Variants in SPMIP2 observed in about 807,000 individuals in gnomAD.
SPMIP2 encodes the protein protein SPMIP2.
At chr4:159,071,698 G>A in the SPMIP2 span, among the ~76,000 whole-genome samples, 6 of 152,106 alleles carry the variant, frequency 3.9e-5, no homozygotes, top group African/African-American at 1.4e-4. Flanking sequence ...TTGTCACCAT[G>A]AGGGAAAGAA....
At chr4:159,064,066 C>G in the SPMIP2 span, among the ~76,000 whole-genome samples, 3 of 152,120 alleles carry the variant, frequency 2.0e-5, no homozygotes, top group African/African-American at 7.2e-5. Flanking sequence ...AATCTCTTGG[C>G]TGGGCGTGGT....
chr4:158,941,910 G>C, the SPMIP2 span, among the ~76,000 whole-genome samples: 4 of 152,042 alleles, frequency 2.6e-5, no homozygotes, highest in African/African-American at 9.7e-5. Context: ...AAGAGATGGT[G>C]GTGTTCTGGT....
the SPMIP2 span, among the ~76,000 whole-genome samples, chr4:158,924,918 G>A: frequency 2.0e-5 from 3 of 152,208 alleles, no homozygotes; most frequent in Admixed American, 2.0e-4. Flanking sequence ...ACTTGGTCAT[G>A]ATGTATAATC....
At chr4:158,948,100 G>A in the SPMIP2 span, among the ~76,000 whole-genome samples, 1 of 152,082 alleles carries the variant, frequency 6.6e-6, no homozygotes, top group Admixed American at 6.6e-5. Context: ...TCCTTCTGGA[G>A]CCCCCACTTT....
the SPMIP2 span, chr4:158,904,376 G>C: frequency 8.4e-7 from 1 of 1,191,600 alleles, no homozygotes; most frequent in Non-Finnish European, 1.2e-6. Flanking sequence ...TTAGTACCTA[G>C]AAATAATACT....
chr4:159,082,233 T>C, the SPMIP2 span, among the ~76,000 whole-genome samples: 3 of 151,226 alleles, frequency 2.0e-5, no homozygotes, highest in East Asian at 5.8e-4. Flanking sequence ...CTCTGGAAGC[T>C]GAGGCAGGAG....
chr4:159,080,003 C>T, the SPMIP2 span, among the ~76,000 whole-genome samples: 519 of 152,142 alleles, frequency 3.4e-3, 4 homozygotes, highest in Admixed American at 5.2e-3. Flanking sequence ...TTTATTCCAT[C>T]ATCTCCCATT....
At chr4:158,990,396 T>TAAA in the SPMIP2 span, among the ~76,000 whole-genome samples, 1 of 152,212 alleles carries the variant, frequency 6.6e-6, no homozygotes, top group African/African-American at 2.4e-5. Context: ...CAAAGGATTA[T>TAAA]AAATCATTCT....
the SPMIP2 span, among the ~76,000 whole-genome samples, chr4:159,012,773 A>G: frequency 4.6e-5 from 7 of 151,596 alleles, no homozygotes; most frequent in Non-Finnish European, 1.5e-5. Context: ...AGGTTTCACT[A>G]TGTTCCTCAG....
the SPMIP2 span, among the ~76,000 whole-genome samples, chr4:158,952,619 G>A: frequency 1.3e-4 from 20 of 152,304 alleles, no homozygotes; most frequent in African/African-American, 3.1e-4. Context: ...AAGCAACTTC[G>A]AAACTGGGTA....
At chr4:158,982,995 C>T in the SPMIP2 span, among the ~76,000 whole-genome samples, 5 of 151,936 alleles carry the variant, frequency 3.3e-5, no homozygotes, top group Admixed American at 1.3e-4. Context: ...AGCCAAGGCT[C>T]GAGAACTATG....
the SPMIP2 span, among the ~76,000 whole-genome samples, chr4:158,986,394 G>T: frequency 6.6e-6 from 1 of 152,138 alleles, no homozygotes; most frequent in Non-Finnish European, 1.5e-5. Flanking sequence ...ATACTACAAG[G>T]CTACAGTAAC....
the SPMIP2 span, among the ~76,000 whole-genome samples, chr4:159,042,572 C>T: frequency 6.6e-6 from 1 of 152,320 alleles, no homozygotes; most frequent in South Asian, 2.1e-4. Context: ...CTTGGGCCCC[C>T]ACAAAACAAC....
chr4:158,985,831 A>C, the SPMIP2 span, among the ~76,000 whole-genome samples: 1 of 152,158 alleles, frequency 6.6e-6, no homozygotes, highest in African/African-American at 2.4e-5. Context: ...TTAGGAAAAG[A>C]GGAAGTCAAA....
At chr4:158,984,900 A>T in the SPMIP2 span, among the ~76,000 whole-genome samples, 1 of 151,990 alleles carries the variant, frequency 6.6e-6, no homozygotes, top group Non-Finnish European at 1.5e-5. Flanking sequence ...ACTAATAAAT[A>T]AAAAAAGAGA....
At chr4:158,903,303 G>A in the SPMIP2 span, among the ~76,000 whole-genome samples, 1 of 152,124 alleles carries the variant, frequency 6.6e-6, no homozygotes, top group Non-Finnish European at 1.5e-5. Flanking sequence ...TCTGTGGGCT[G>A]CACCCAGTGT....
the SPMIP2 span, among the ~76,000 whole-genome samples, chr4:159,044,539 C>T: frequency 8.1e-3 from 1,232 of 151,336 alleles, 2 homozygotes; most frequent in Non-Finnish European, 0.013. Context: ...GAAATAATGT[C>T]GTGGTGGAGA....
At chr4:158,972,298 G>C in the SPMIP2 span, among the ~76,000 whole-genome samples, 1 of 152,216 alleles carries the variant, frequency 6.6e-6, no homozygotes, top group Non-Finnish European at 1.5e-5. Context: ...GGAGGCCGAG[G>C]TTACAGCGAG....
chr4:158,994,395 T>TA, the SPMIP2 span, among the ~76,000 whole-genome samples: 1 of 152,374 alleles, frequency 6.6e-6, no homozygotes, highest in Admixed American at 6.5e-5. Flanking sequence ...AAAACCCTCC[T>TA]ATTCTGGAAT....
Sources: gnomAD v4.1 joint callset for allele counts (sites outside exome capture counted in the v4.1 genomes callset) on GRCh38, gnomAD v4.1.1 for gene constraint, MANE v1.5 for transcripts, NCBI Gene and HGNC (gene_info 2026-07-23, HGNC 2026-07-21) for gene names.